Variants in SLC35E4 observed in about 807,000 individuals in gnomAD.
The protein encoded by SLC35E4 is solute carrier family 35 member E4, also known as solute carrier family 35, member E4.
SLC35E4 carries 15 observed loss-of-function variants against 19.3 expected under a neutral mutation model. The observed-to-expected ratio is 0.78, with a 90% CI of 0.52 to 1.20. The LOEUF (loss-of-function observed/expected upper bound fraction) is 1.20. Among genes scored for constraint, SLC35E4 ranks in the 50% most tolerant of loss-of-function variants. SLC35E4 has a pLI of 0.00. For missense variants in SLC35E4, 406 were observed against 472.3 expected, an observed-to-expected ratio of 0.86 and a Z score of 1.30; for synonymous variants, 219 against 219.9, an observed-to-expected ratio of 1.00 and a Z score of 0.04.
downstream of SLC35E4, among the ~76,000 whole-genome samples, chr22:30,652,747 T>G (rs1204554762): frequency 1.3e-5 from 2 of 152,248 alleles, no homozygotes; most frequent in African/African-American, 4.8e-5. Context: ...ACATAGTAGT[T>G]GGTGTCCACC....
chr22:30,663,720 A>G (rs1023241324), downstream of SLC35E4: 1 of 1,614,222 alleles, frequency 6.2e-7, no homozygotes, highest in Non-Finnish European at 8.5e-7. Context: ...GCCCTGCTTC[A>G]TCTCCACGCT....
At position 30,636,919 on chromosome 22, in the gene SLC35E4, C is replaced by A. The variant is rs748722331; in HGVS notation, c.469C>A (p.Arg157Ser). ...GGCCCTGTCGGCGCTGCTGCTGGGC[C>A]GCCGCCACCACCCACTTCAGTTGGC... ...TLALSALLLG[R>S]RHHPLQLAAM... The change falls in exon 1 of 2, where the codon CGC (arginine) becomes AGC (serine). Residue 157 changes from arginine to serine, a missense_variant. Physicochemically the swap from Arg to Ser is moderately radical, Grantham distance 110. Coordinates refer to ENST00000343605, the MANE Select transcript of SLC35E4 (RefSeq NM_001001479.4). 1 of 1,611,276 alleles carries A rather than the reference C, an allele frequency of 6.2e-7. No homozygotes were observed. The highest frequency in any genetic ancestry group is 8.5e-7 in the Non-Finnish European group (1 of 1,179,044).
chr22:30,664,129 T>A, downstream of SLC35E4: 1 of 827,414 alleles, frequency 1.2e-6, no homozygotes, highest in Admixed American at 2.6e-5. Context: ...AGAGGGCCAA[T>A]TCCAGGGGAT....
chr22:30,650,814 T>C (rs1260514470), downstream of SLC35E4, among the ~76,000 whole-genome samples: 1 of 152,172 alleles, frequency 6.6e-6, no homozygotes, highest in Non-Finnish European at 1.5e-5. Flanking sequence ...CGCCTGAGCA[T>C]AGCAGCGTGG....
chr22:30,636,270 C>A lies in SLC35E4; in HGVS notation c.-181C>A. ...CTCTGCCCTGTCTGAGCTGGAAACA[C>A]AGCTTAGCTTCTAGACATCGCTGGC... On this transcript the variant is annotated 5_prime_UTR_variant, in exon 1 of 2. Coordinates refer to ENST00000343605, the MANE Select transcript of SLC35E4 (RefSeq NM_001001479.4). 1.1e-6 allele frequency: 1 copy of A among 912,348 alleles called. No individual in the cohort carries two copies. Among genetic ancestry groups the A allele is most frequent in the Non-Finnish European group, 1.6e-6 (1 of 639,028 alleles). The allele number at this position is 912,348 out of a possible 1,614,324, so 56.5% of individuals were successfully genotyped here.
At chr22:30,645,400 G>A (rs190424989) in intron 1 of SLC35E4, among the ~76,000 whole-genome samples, 127 of 152,244 alleles carry the variant, frequency 8.3e-4, no homozygotes, top group Middle Eastern at 6.8e-3. Context: ...TTCGAGACCA[G>A]CCTGGCCAAC....
At chr22:30,641,042 G>A (rs1318524167) in intron 1 of SLC35E4, among the ~76,000 whole-genome samples, 2 of 152,220 alleles carry the variant, frequency 1.3e-5, no homozygotes, top group African/African-American at 4.8e-5. Flanking sequence ...TTACATGAGA[G>A]CTAGAGGCTG....
rs550580423 is a variant in SLC35E4, at chr22:30,659,477, G to A, written c.*9-2583G>A. 8.6e-4 allele frequency among the ~76,000 whole-genome samples: 130 copies of A among 152,000 alleles called. 1 individual carries two copies. Among genetic ancestry groups the A allele is most frequent in the African/African-American group, 3.0e-3 (124 of 41,460 alleles). On this transcript the variant is annotated intron_variant, in intron 2 of 2. Coordinates refer to the SLC35E4 transcript ENST00000406566. ...CAACCTCCGCCTCCTGGGTTCAAGC[G>A]ATTCTTCCGCCTCAGCCTCCCGGGT...
downstream of SLC35E4, among the ~76,000 whole-genome samples, chr22:30,664,639 A>G (rs1341983884): frequency 1.3e-5 from 2 of 152,264 alleles, no homozygotes; most frequent in Non-Finnish European, 2.9e-5. Flanking sequence ...GGAGGCTGGT[A>G]TAAGAGTAGG....
rs1349580333 is a variant in SLC35E4, at chr22:30,636,629, G to T, written c.179G>T (p.Gly60Val). ...AMAALVWLLAGASMSSLNKWI... is the reference protein window; with the variant it reads ...AMAALVWLLAVASMSSLNKWI... ...GCAGCACTGGTGTGGCTGCTGGCGGGAGCCAGCATGTCAAGCCTCAACAAG... is the reference window on the plus strand; with the variant it reads ...GCAGCACTGGTGTGGCTGCTGGCGGTAGCCAGCATGTCAAGCCTCAACAAG... The change falls in exon 1 of 2, where the codon GGA becomes GTA. Residue 60 changes from glycine (G) to valine (V), a missense_variant. Gly to Val is a moderately radical substitution (Grantham distance 109, BLOSUM62 -3). Coordinates refer to ENST00000343605, the MANE Select transcript of SLC35E4 (RefSeq NM_001001479.4). The T allele has an allele frequency of 6.2e-7, 1 of 1,609,854 alleles. No individual in the cohort carries two copies. The highest frequency in any genetic ancestry group is 1.3e-5 in the African/African-American group (1 of 74,878).
downstream of SLC35E4, among the ~76,000 whole-genome samples, chr22:30,651,366 A>G (rs2088206446): frequency 2.3e-5 from 2 of 86,588 alleles, no homozygotes; most frequent in Admixed American, 3.1e-4. Context: ...ACACGTGGCT[A>G]ATTTTTGTGT....
chr22:30,667,951 A>G (rs2088743134), downstream of SLC35E4: 1 of 152,502 alleles, frequency 6.6e-6, no homozygotes, highest in African/African-American at 2.4e-5. Flanking sequence ...GCGGGGCTCC[A>G]GGTTCCGCCC....
intron 2 of SLC35E4, among the ~76,000 whole-genome samples, chr22:30,657,912 TAATAATAA>T (rs1016214780): frequency 2.3e-5 from 2 of 86,366 alleles, no homozygotes; most frequent in African/African-American, 1.5e-4. Context: ...TCAAAAATAA[TAATAATAA>T]TAATAATAAT....
At chr22:30,663,299 ACT>A (rs2145612642), downstream of SLC35E4, 1 of 820,880 alleles carries the variant, frequency 1.2e-6, no homozygotes, top group East Asian at 2.6e-5. Context: ...AGCTACAGCA[ACT>A]CTTTTTTGTG....
chr22:30,654,652 A>T, intron 2 of SLC35E4: 2 of 448,746 alleles, frequency 4.5e-6, no homozygotes, highest in Non-Finnish European at 8.8e-6. Context: ...CCACTTGTGG[A>T]GGAAGGCCAG....
At position 30,636,929 on chromosome 22, in the gene SLC35E4, A is replaced by C. The variant is rs1569055372; in HGVS notation, c.479A>C (p.His160Pro). The C allele has an allele frequency of 5.0e-6, 8 of 1,611,670 alleles. No individual in the cohort carries two copies. Among genetic ancestry groups the C allele is most frequent in the Non-Finnish European group, 5.1e-6 (6 of 1,179,240 alleles). ...GCGCTGCTGCTGGGCCGCCGCCACC[A>C]CCCACTTCAGTTGGCCGCCATGGGT... The part of the protein sequence containing the change: ...LSALLLGRRH[H>P]PLQLAAMGPL... The change falls in exon 1 of 2, where the codon CAC becomes CCC. Residue 160 changes from histidine (H) to proline (P), a missense_variant. Physicochemically the swap from His to Pro is moderately conservative, Grantham distance 77. Transcript: ENST00000343605.
rs2088139104 is a variant in SLC35E4 at position 30,646,814 on chromosome 22, C to T, written c.836C>T (p.Thr279Ile). The change falls in exon 2 of 2, where the codon ACC becomes ATC. Residue 279 changes from threonine to isoleucine, a missense_variant. By Grantham distance (89) the Thr-to-Ile change is moderately conservative. Coordinates refer to ENST00000343605, the MANE Select transcript of SLC35E4 (RefSeq NM_001001479.4). Reference protein sequence around the residue: ...NLASFSLLALTSALTVHVLGN... With the variant: ...NLASFSLLALISALTVHVLGN... Reference sequence around the variant, plus strand: ...GCCAGCTTCTCCCTGCTGGCCCTCACCTCTGCCCTCACCGTCCACGTCCTG... The same window carrying T: ...GCCAGCTTCTCCCTGCTGGCCCTCATCTCTGCCCTCACCGTCCACGTCCTG... 6.2e-7 allele frequency: 1 copy of T among 1,614,234 alleles called. No individual in the cohort carries two copies. Among genetic ancestry groups the T allele is most frequent in the Non-Finnish European group, 8.5e-7 (1 of 1,180,036 alleles).
intron 1 of SLC35E4, among the ~76,000 whole-genome samples, chr22:30,642,793 G>A (rs1042899181): frequency 1.5e-4 from 22 of 151,290 alleles, no homozygotes; most frequent in Non-Finnish European, 2.7e-4. Context: ...ACTTTGGGAG[G>A]CCAAGGTGGG....
intron 1 of SLC35E4, among the ~76,000 whole-genome samples, chr22:30,643,607 G>A (rs1358174978): frequency 6.6e-6 from 1 of 152,062 alleles, no homozygotes; most frequent in African/African-American, 2.4e-5. Flanking sequence ...AGCTGCCGGG[G>A]TGAGCCGGCA....
Sources: gnomAD v4.1 joint callset for allele counts (sites outside exome capture counted in the v4.1 genomes callset) on GRCh38, gnomAD v4.1.1 for gene constraint, MANE v1.5 for transcripts, NCBI Gene and HGNC (gene_info 2026-07-23, HGNC 2026-07-21) for gene names.